GRIN2A: variants seen among roughly 807,000 people sequenced by gnomAD.
The protein encoded by GRIN2A is glutamate ionotropic receptor NMDA type subunit 2A.
Under a neutral mutation model 113.4 loss-of-function variants are expected in GRIN2A, and 22 were observed. The ratio of observed to expected loss-of-function variants is 0.19; its 90% CI spans 0.14 to 0.28. GRIN2A has a LOEUF of 0.28. Among genes scored for constraint, GRIN2A ranks in the 10% least tolerant of loss-of-function variants. GRIN2A has a pLI of 1.00. For missense variants in GRIN2A, 1,502 were observed against 1,887.0 expected (o/e 0.80, Z 3.78); for synonymous variants, 827 against 738.4 (o/e 1.12, Z -1.94).
chr16:9,804,331 G>A (rs758390480), intron 10 of GRIN2A, among the ~76,000 whole-genome samples: 4 of 152,092 alleles, frequency 2.6e-5, no homozygotes, highest in Admixed American at 6.5e-5. Flanking sequence ...CACTGGCTTG[G>A]AACACCACTG....
At chr16:9,790,400 C>G (rs1025831326) in intron 11 of GRIN2A, among the ~76,000 whole-genome samples, 1 of 152,170 alleles carries the variant, frequency 6.6e-6, no homozygotes, top group African/African-American at 2.4e-5. Flanking sequence ...GCTTCAGTTT[C>G]CATATTACTG....
intron 2 of GRIN2A, among the ~76,000 whole-genome samples, chr16:10,083,967 G>C (rs1210960660): frequency 6.6e-6 from 1 of 152,030 alleles, no homozygotes; most frequent in African/African-American, 2.4e-5. Flanking sequence ...GCCAGGCATG[G>C]GGCACATGCC....
chr16:9,976,786 T>A (rs142526371), intron 2 of GRIN2A, among the ~76,000 whole-genome samples: 3 of 152,272 alleles, frequency 2.0e-5, no homozygotes, highest in Non-Finnish European at 2.9e-5. Context: ...TCAGCTGGCG[T>A]CACTTGTAGA....
chr16:9,907,712 T>C (rs1217159423), intron 3 of GRIN2A, among the ~76,000 whole-genome samples: 1 of 152,204 alleles, frequency 6.6e-6, no homozygotes, highest in Non-Finnish European at 1.5e-5. Context: ...CGCCTAAATA[T>C]TCACATGTTC....
At chr16:10,117,056 T>C (rs1368413302) in intron 2 of GRIN2A, among the ~76,000 whole-genome samples, 1 of 125,174 alleles carries the variant, frequency 8.0e-6, no homozygotes, top group African/African-American at 3.1e-5. Context: ...CTAGCTCAAG[T>C]GACTGAAAAA....
intron 10 of GRIN2A, among the ~76,000 whole-genome samples, chr16:9,804,993 T>G (rs977743819): frequency 6.6e-6 from 1 of 152,198 alleles, no homozygotes; most frequent in East Asian, 1.9e-4. Context: ...CCATCCTTAT[T>G]GACAGCTCTC....
At chr16:9,857,745 T>G (rs2042993815) in intron 4 of GRIN2A, among the ~76,000 whole-genome samples, 1 of 152,254 alleles carries the variant, frequency 6.6e-6, no homozygotes, top group African/African-American at 2.4e-5. Flanking sequence ...CCCAATGCTA[T>G]GTGCTATGTA....
intron 4 of GRIN2A, among the ~76,000 whole-genome samples, chr16:9,886,367 GCAA>G (rs2043586785): frequency 6.6e-6 from 1 of 152,174 alleles, no homozygotes; most frequent in Non-Finnish European, 1.5e-5. Flanking sequence ...AATATTATAG[GCAA>G]CAACAACAAC....
At chr16:10,025,815 C>A (rs896442393) in intron 2 of GRIN2A, among the ~76,000 whole-genome samples, 1 of 152,116 alleles carries the variant, frequency 6.6e-6, no homozygotes, top group Non-Finnish European at 1.5e-5. Flanking sequence ...AGAGATGCAG[C>A]CTTGCTTCAG....
At chr16:9,996,328 G>A (rs748083135) in intron 2 of GRIN2A, among the ~76,000 whole-genome samples, 5 of 152,116 alleles carry the variant, frequency 3.3e-5, no homozygotes, top group Non-Finnish European at 5.9e-5. Flanking sequence ...ATTGCATTGC[G>A]TGAAACCACT....
chr16:9,994,272 T>C (rs1485213688), intron 2 of GRIN2A, among the ~76,000 whole-genome samples: 5 of 152,174 alleles, frequency 3.3e-5, no homozygotes, highest in African/African-American at 1.2e-4. Flanking sequence ...TCCTGGATAG[T>C]TTCTTTCAGC....
chr16:9,828,659 T>C (rs2042431525), intron 9 of GRIN2A, among the ~76,000 whole-genome samples: 1 of 152,182 alleles, frequency 6.6e-6, no homozygotes, highest in Non-Finnish European at 1.5e-5. Flanking sequence ...TTACCTCTTT[T>C]CTTCCTCAAT....
intron 2 of GRIN2A, among the ~76,000 whole-genome samples, chr16:9,951,112 G>C (rs1316843009): frequency 1.3e-5 from 2 of 152,038 alleles, no homozygotes; most frequent in African/African-American, 4.8e-5. Flanking sequence ...GATACCATCT[G>C]AAGATCAACC....
chr16:9,922,552 C>G (rs2044377458), intron 3 of GRIN2A, among the ~76,000 whole-genome samples: 1 of 152,122 alleles, frequency 6.6e-6, no homozygotes, highest in African/African-American at 2.4e-5. Flanking sequence ...TGCCCTCATA[C>G]CCACAAACCT....
intron 11 of GRIN2A, among the ~76,000 whole-genome samples, chr16:9,774,504 A>C (rs1056480362): frequency 6.6e-6 from 1 of 152,164 alleles, no homozygotes; most frequent in Non-Finnish European, 1.5e-5. Context: ...AATCTATCCA[A>C]CTACTCATCC....
rs1900536682 is a variant in GRIN2A at position 9,760,498 on chromosome 16, C to T, written c.*2651G>A. ...TTCTGATTATTTATTTGAAAAAACACTTCGGTCAGTGAAAAGAATATATAT... is the reference window on the plus strand; with the variant it reads ...TTCTGATTATTTATTTGAAAAAACATTTCGGTCAGTGAAAAGAATATATAT... On this transcript the variant is annotated 3_prime_UTR_variant, in exon 13 of 13. Coordinates refer to ENST00000330684, the MANE Select transcript of GRIN2A (RefSeq NM_001134407.3). 1 of 195,786 alleles carries T rather than the reference C, an allele frequency of 5.1e-6. No individual in the cohort carries two copies. Among genetic ancestry groups the T allele is most frequent in the Non-Finnish European group, 1.0e-5 (1 of 98,846 alleles). 12.1% of individuals were successfully genotyped at this position (195,786 alleles called of 1,614,324 possible).
intron 2 of GRIN2A, among the ~76,000 whole-genome samples, chr16:10,142,908 A>C (rs1027749884): frequency 1.3e-5 from 2 of 152,192 alleles, no homozygotes; most frequent in African/African-American, 2.4e-5. Flanking sequence ...AATAATTTAC[A>C]CAGAACACTT....
At chr16:10,089,879 G>A (rs1442829573) in intron 2 of GRIN2A, among the ~76,000 whole-genome samples, 1 of 152,076 alleles carries the variant, frequency 6.6e-6, no homozygotes, top group Non-Finnish European at 1.5e-5. Flanking sequence ...TATGATGGGT[G>A]GGAAATAAAA....
intron 2 of GRIN2A, among the ~76,000 whole-genome samples, chr16:10,138,293 C>G (rs1396098121): frequency 6.6e-6 from 1 of 152,120 alleles, no homozygotes; most frequent in South Asian, 2.1e-4. Context: ...TTCATTTTCA[C>G]AATGTAAAGA....
Sources: allele counts gnomAD v4.1 joint callset (sites outside exome capture counted in the v4.1 genomes callset), GRCh38; gene constraint gnomAD v4.1.1; transcripts MANE v1.5; gene names NCBI Gene and HGNC (gene_info 2026-07-23, HGNC 2026-07-21).